The following RHBDL3 variants were observed in gnomAD, a reference collection of about 807,000 sequenced individuals.
RHBDL3 encodes the protein rhomboid-related protein 3.
In RHBDL3, 28 loss-of-function variants were observed where a neutral mutation model predicts 48.2. The ratio of observed to expected loss-of-function variants is 0.58; its 90% CI spans 0.43 to 0.80. The LOEUF (loss-of-function observed/expected upper bound fraction) is 0.80, where lower values mean the gene tolerates loss of function less well. Among genes scored for constraint, RHBDL3 ranks in the 30% least tolerant of loss-of-function variants. RHBDL3 has a pLI of 0.00. For synonymous variants in RHBDL3, 208 were observed against 232.3 expected (o/e 0.90, Z 0.95); for missense variants, 464 against 542.7 (o/e 0.85, Z 1.44).
chr17:32,284,320 G>A (rs923831068), intron 2 of RHBDL3: 9 of 197,088 alleles, frequency 4.6e-5, no homozygotes, highest in Admixed American at 1.2e-4. Flanking sequence ...CCTCTCACCC[G>A]TCCCAGGCCC....
intron 6 of RHBDL3, among the ~76,000 whole-genome samples, chr17:32,301,369 C>T (rs373032881): frequency 3.4e-5 from 5 of 148,178 alleles, no homozygotes; most frequent in African/African-American, 1.2e-4. Context: ...GAAGTCAAGA[C>T]CAGCCTGGGC....
chr17:32,267,849 GTCTT>G (rs1297981189), intron 1 of RHBDL3, 49 bp from the exon 2 acceptor site: 4 of 1,613,568 alleles, frequency 2.5e-6, no homozygotes, highest in African/African-American at 1.3e-5. Flanking sequence ...TGATAAGTGT[GTCTT>G]TCTTTCTCTC....
chr17:32,298,020 G>C, intron 5 of RHBDL3, 72 bp from the exon 6 acceptor site: 1 of 1,108,342 alleles, frequency 9.0e-7, no homozygotes, highest in Non-Finnish European at 1.4e-6. Flanking sequence ...GGGGGATGCA[G>C]GTGTTTGTTG....
chr17:32,277,769 CAAA>C (rs1429980764), intron 2 of RHBDL3, among the ~76,000 whole-genome samples: 4 of 152,212 alleles, frequency 2.6e-5, no homozygotes, highest in African/African-American at 2.4e-5. Flanking sequence ...ACCTTGTTCC[CAAA>C]GAGTGTTCCA....
intron 3 of RHBDL3, chr17:32,288,361 C>G (rs1332436540): frequency 1.1e-5 from 2 of 185,790 alleles, no homozygotes; most frequent in East Asian, 1.3e-4. Flanking sequence ...GTATCCCTCC[C>G]TGTGCCTGGT....
intron 6 of RHBDL3, among the ~76,000 whole-genome samples, chr17:32,304,496 A>G (rs1349182267): frequency 6.6e-6 from 1 of 152,152 alleles, no homozygotes; most frequent in African/African-American, 2.4e-5. Flanking sequence ...GGCACTTCCT[A>G]CCAGGAGACT....
At chr17:32,318,783 G>A (rs912578534) in intron 8 of RHBDL3, among the ~76,000 whole-genome samples, 6 of 152,116 alleles carry the variant, frequency 3.9e-5, no homozygotes, top group Non-Finnish European at 5.9e-5. Flanking sequence ...TGGGATGGAG[G>A]GTCAGGTCTG....
At position 32,322,715 on chromosome 17, in the gene RHBDL3, C is replaced by T. The variant is rs553853576; in HGVS notation, c.*1486C>T. 16 of 152,324 alleles carry T rather than the reference C, an allele frequency of 1.1e-4. No homozygotes were observed. The highest frequency in any genetic ancestry group is 3.9e-4 in the African/African-American group (16 of 41,520). 9.4% of individuals were successfully genotyped at this position (152,324 alleles called of 1,614,324 possible). On this transcript the variant is annotated 3_prime_UTR_variant, in exon 9 of 9. Transcript: ENST00000269051. The stretch of plus-strand genomic sequence containing the variant: ...GAACATGGTGGTTATCAAATCCACC[C>T]CACCCCATTACACAGGTGAGAAAAC...
intron 3 of RHBDL3, among the ~76,000 whole-genome samples, chr17:32,287,682 C>T (rs1324039221): frequency 3.3e-5 from 5 of 152,164 alleles, no homozygotes; most frequent in Admixed American, 6.5e-5. Flanking sequence ...CTCACCAGCC[C>T]ACAGGGCTCC....
intron 2 of RHBDL3, among the ~76,000 whole-genome samples, chr17:32,282,545 G>A (rs71377428): frequency 0.037 from 5,669 of 152,312 alleles, 119 homozygotes; most frequent in South Asian, 0.066. Flanking sequence ...CAGCCTGGGT[G>A]ACAAGAGTGA....
chr17:32,294,187 G>A, intron 4 of RHBDL3, 107 bp from the exon 5 acceptor site: 5 of 869,482 alleles, frequency 5.8e-6, no homozygotes, highest in Non-Finnish European at 6.9e-6. Flanking sequence ...CTTTCTCTGA[G>A]AAGGAAAGGT....
At chr17:32,316,757 A>T (rs1038782845) in intron 8 of RHBDL3, among the ~76,000 whole-genome samples, 2 of 152,044 alleles carry the variant, frequency 1.3e-5, no homozygotes, top group Admixed American at 6.5e-5. Context: ...GGCTCAAGCA[A>T]TCCTCCTGCC....
chr17:32,307,317 TC>T (rs1169707121), intron 7 of RHBDL3, among the ~76,000 whole-genome samples: 1 of 152,220 alleles, frequency 6.6e-6, no homozygotes, highest in Non-Finnish European at 1.5e-5. Context: ...GTCCTCCTGT[TC>T]TCACCCACTC....
intron 2 of RHBDL3, among the ~76,000 whole-genome samples, chr17:32,272,323 G>T (rs1229266820): frequency 6.6e-6 from 1 of 152,190 alleles, no homozygotes; most frequent in East Asian, 1.9e-4. Context: ...CCAGCCTGGG[G>T]CTCTTCCCTT....
intron 2 of RHBDL3, among the ~76,000 whole-genome samples, chr17:32,281,748 C>T (rs576472200): frequency 2.6e-5 from 4 of 152,280 alleles, no homozygotes; most frequent in South Asian, 2.1e-4. Context: ...TGTTGCTGTC[C>T]GGGGCTGTTT....
intron 2 of RHBDL3, among the ~76,000 whole-genome samples, chr17:32,270,132 C>CAAA (rs66986205): frequency 3.9e-3 from 265 of 67,470 alleles, no homozygotes; most frequent in East Asian, 6.8e-3. Context: ...GACCCTTTCT[C>CAAA]AAAAAAAAAA....
Position 32,294,398 on chromosome 17 carries a change from A to G in RHBDL3, c.624A>G (p.Arg208=). The stretch of plus-strand genomic sequence containing the variant: ...CCCTGGTTTACCACCCACAGCTGCG[A>G]GCACAGGTTTGGCGCTACCTGACAT... ...KNSLVYHPQL[R]AQVWRYLTYI... The change falls in exon 5 of 9, where the codon CGA becomes CGG. Residue 208 remains arginine, a synonymous_variant. Transcript: ENST00000269051. 1 of 1,614,206 alleles carries G rather than the reference A, an allele frequency of 6.2e-7. No homozygotes were observed. The highest frequency in any genetic ancestry group is 8.5e-7 in the Non-Finnish European group (1 of 1,180,020).
rs1567797744 is a variant in RHBDL3 at position 32,323,836 on chromosome 17, G to A, written c.*2607G>A. On this transcript the variant is annotated 3_prime_UTR_variant, in exon 9 of 9. Transcript: ENST00000269051. ...TGACTTCCAAGCGGGGCCACAGGGTGGGGTCATAGGGTCACTTCACCTGAC... is the reference window on the plus strand; with the variant it reads ...TGACTTCCAAGCGGGGCCACAGGGTAGGGTCATAGGGTCACTTCACCTGAC... 6.6e-6 allele frequency: 1 copy of A among 152,476 alleles called. No homozygotes were observed. The highest frequency in any genetic ancestry group is 2.4e-5 in the African/African-American group (1 of 41,434). 9.4% of individuals were successfully genotyped at this position (152,476 alleles called of 1,614,324 possible). A position where few individuals can be genotyped will look rare whatever the true frequency, so the allele number is the denominator to read the frequency against.
rs2040265169 is a variant in RHBDL3 at position 32,289,035 on chromosome 17, AGGGGGTTGCTCTGCCTTGGGGAGT to A, written c.519+22_519+45del. 1.2e-6 allele frequency: 2 copies of A among 1,609,956 alleles called. No homozygotes were observed. ...GCTGGAGGCAAGGACAAGGGTGGGG[AGGGGGTTGCTCTGCCTTGGGGAGT>A]GGCGGGTATGGGGAGAGGAGCCAAG... On this transcript the variant is annotated intron_variant, in intron 4 of 8. Coordinates refer to ENST00000269051, the MANE Select transcript of RHBDL3 (RefSeq NM_138328.3).
Sources: allele counts gnomAD v4.1 joint callset (sites outside exome capture counted in the v4.1 genomes callset), GRCh38; gene constraint gnomAD v4.1.1; transcripts MANE v1.5; gene names NCBI Gene and HGNC (gene_info 2026-07-23, HGNC 2026-07-21).